Variants in KAZN observed in about 807,000 individuals in gnomAD.
KAZN encodes kazrin, periplakin interacting protein.
KAZN carries 40 observed loss-of-function variants against 87.4 expected under a neutral mutation model. The ratio of observed to expected loss-of-function variants is 0.46; its 90% CI spans 0.36 to 0.60. The LOEUF (loss-of-function observed/expected upper bound fraction) is 0.60, where lower values mean the gene tolerates loss of function less well. Among genes scored for constraint, KAZN ranks in the 20% least tolerant of loss-of-function variants. The probability of loss-of-function intolerance (pLI) is 0.00; values close to 1 mark genes in which losing one functional copy is unlikely to be tolerated. For missense variants in KAZN, 898 were observed against 1,073.9 expected, an observed-to-expected ratio of 0.84 and a Z score of 2.29; for synonymous variants, 466 against 458.3, an observed-to-expected ratio of 1.02 and a Z score of -0.22.
intron 2 of KAZN, among the ~76,000 whole-genome samples, chr1:14,405,033 A>G (rs745415866): frequency 6.6e-6 from 1 of 152,154 alleles, no homozygotes; most frequent in Admixed American, 6.5e-5. Flanking sequence ...GCTAAGAAAC[A>G]TCTTGTCTTT....
chr1:14,336,612 A>C (rs536693300), intron 2 of KAZN, among the ~76,000 whole-genome samples: 2 of 152,298 alleles, frequency 1.3e-5, no homozygotes, highest in Non-Finnish European at 2.9e-5. Flanking sequence ...CTACCTCCTC[A>C]TCAACACTTG....
intron 13 of KAZN, among the ~76,000 whole-genome samples, chr1:15,110,160 T>C (rs1282064345): frequency 2.1e-5 from 3 of 145,920 alleles, no homozygotes; most frequent in African/African-American, 7.4e-5. Context: ...TGTGTGCATA[T>C]GTGTTTGTGT....
intron 1 of KAZN, among the ~76,000 whole-genome samples, chr1:14,017,042 A>G (rs1263194659): frequency 1.3e-5 from 2 of 152,242 alleles, no homozygotes; most frequent in Non-Finnish European, 2.9e-5. Flanking sequence ...ATGAGTTGGC[A>G]GCGATTCTGG....
intron 1 of KAZN, among the ~76,000 whole-genome samples, chr1:14,062,472 A>G (rs770910070): frequency 6.6e-5 from 10 of 152,120 alleles, no homozygotes; most frequent in Non-Finnish European, 1.0e-4. Flanking sequence ...ATGACGGTAA[A>G]ACTTTGTTTA....
intron 1 of KAZN, among the ~76,000 whole-genome samples, chr1:13,898,746 G>C (rs1639137541): frequency 6.6e-6 from 1 of 152,206 alleles, no homozygotes; most frequent in African/African-American, 2.4e-5. Flanking sequence ...ACATGTGCAA[G>C]CCATGCCTGT....
chr1:14,941,726 A>G (rs939013053), intron 1 of KAZN, among the ~76,000 whole-genome samples: 2 of 152,182 alleles, frequency 1.3e-5, no homozygotes, highest in African/African-American at 4.8e-5. Flanking sequence ...GTTAATTTTC[A>G]TGAATGCCGA....
intron 10 of KAZN, among the ~76,000 whole-genome samples, chr1:15,101,226 C>T (rs902548795): frequency 2.0e-5 from 3 of 148,168 alleles, no homozygotes; most frequent in Non-Finnish European, 4.5e-5. Flanking sequence ...CCCTCTGCTC[C>T]TTTCTCTCAG....
intron 1 of KAZN, among the ~76,000 whole-genome samples, chr1:14,855,846 C>T (rs1650037643): frequency 6.6e-6 from 1 of 152,174 alleles, no homozygotes; most frequent in Non-Finnish European, 1.5e-5. Context: ...AGCCATCAGC[C>T]TATGTAATTG....
chr1:14,320,881 A>G (rs1046364068), intron 2 of KAZN, among the ~76,000 whole-genome samples: 8 of 152,172 alleles, frequency 5.3e-5, no homozygotes, highest in Non-Finnish European at 1.2e-4. Flanking sequence ...CATGGGATTC[A>G]AATTCATGAG....
chr1:14,171,745 T>A (rs1371339392), intron 1 of KAZN, among the ~76,000 whole-genome samples: 1 of 152,214 alleles, frequency 6.6e-6, no homozygotes, highest in Non-Finnish European at 1.5e-5. Context: ...ATCTGGTATA[T>A]TTTTCTATAA....
chr1:14,314,715 G>C (rs76293211), intron 2 of KAZN, among the ~76,000 whole-genome samples: 3,642 of 152,086 alleles, frequency 0.024, 153 homozygotes, highest in African/African-American at 0.083. Flanking sequence ...TTAAAGTGTA[G>C]AGGGTCAGTG....
chr1:14,166,549 A>G (rs1645830722), intron 1 of KAZN, among the ~76,000 whole-genome samples: 1 of 152,220 alleles, frequency 6.6e-6, no homozygotes, highest in African/African-American at 2.4e-5. Context: ...TAAATCCTGG[A>G]ACACAGCAAA....
chr1:14,847,879 C>T (rs897109670), intron 1 of KAZN, among the ~76,000 whole-genome samples: 1 of 152,136 alleles, frequency 6.6e-6, no homozygotes, highest in Non-Finnish European at 1.5e-5. Context: ...TCTTGGGAGG[C>T]TGAGGTGAGA....
At chr1:13,932,008 ATTTTTT>A in intron 1 of KAZN, among the ~76,000 whole-genome samples, 2 of 122,888 alleles carry the variant, frequency 1.6e-5, no homozygotes, top group African/African-American at 6.2e-5. Context: ...GGCTTGGCTA[ATTTTTT>A]TTTTTTTTTT....
intron 2 of KAZN, among the ~76,000 whole-genome samples, chr1:15,007,066 AAAAAAAAAAAAGAAAAAC>A (rs1049436662): frequency 4.0e-5 from 6 of 150,584 alleles, no homozygotes; most frequent in African/African-American, 1.2e-4. Context: ...CAAAAAAAAA[AAAAAAAAAAAAGAAAAAC>A]AGAAAATTCC....
intron 2 of KAZN, among the ~76,000 whole-genome samples, chr1:14,205,884 C>CAAAAAAAAAAAAAAAAAACAA (rs1646730386): frequency 2.8e-5 from 1 of 35,220 alleles, no homozygotes; most frequent in Non-Finnish European, 4.4e-5. Flanking sequence ...GACACTGTCT[C>CAAAAAAAAAAAAAAAAAACAA]AAAAAAAAAA....
intron 1 of KAZN, among the ~76,000 whole-genome samples, chr1:13,938,950 C>T (rs72871392): frequency 0.031 from 4,674 of 152,316 alleles, 220 homozygotes; most frequent in African/African-American, 0.11. Flanking sequence ...TGGAGTGACA[C>T]AGGGCATTGG....
chr1:14,859,823 C>G (rs373379691), intron 1 of KAZN, among the ~76,000 whole-genome samples: 1 of 152,174 alleles, frequency 6.6e-6, no homozygotes, highest in South Asian at 2.1e-4. Flanking sequence ...TTCCCCTTAG[C>G]GCTCTGATTA....
intron 2 of KAZN, among the ~76,000 whole-genome samples, chr1:14,993,512 C>T (rs770014956): frequency 2.6e-5 from 4 of 152,022 alleles, no homozygotes; most frequent in Non-Finnish European, 4.4e-5. Context: ...GTTCAGGTGG[C>T]GTCTGCCCCT....
Sources: allele counts gnomAD v4.1 joint callset (sites outside exome capture counted in the v4.1 genomes callset), GRCh38; gene constraint gnomAD v4.1.1; transcripts MANE v1.5; gene names NCBI Gene and HGNC (gene_info 2026-07-23, HGNC 2026-07-21).